Variants in MYOF observed in about 807,000 individuals in gnomAD.
MYOF encodes the protein myoferlin, also known as fer-1-like 3, myoferlin.
A neutral mutation model predicts 284.2 loss-of-function variants in MYOF; 244 were observed. The observed-to-expected ratio is 0.86, with a 90% confidence interval of 0.77 to 0.95. The LOEUF (loss-of-function observed/expected upper bound fraction) is 0.95. Ranked by LOEUF, MYOF falls within the 40% of genes least tolerant of loss-of-function variation. The pLI, the probability that MYOF is intolerant of heterozygous loss-of-function variation, is 0.00. For missense variants in MYOF, 2,496 were observed against 2,560.6 expected, an observed-to-expected ratio of 0.97 and a Z score of 0.54; for synonymous variants, 904 against 919.7, an observed-to-expected ratio of 0.98 and a Z score of 0.31.
rs550443094 is a variant in MYOF at position 93,419,921 on chromosome 10, C to T, written c.433+6150G>A. 1.3e-4 allele frequency among the ~76,000 whole-genome samples: 20 copies of T among 152,214 alleles called. 1 individual carries two copies. The South Asian group carries it at 3.5e-3, about 27-fold the overall frequency. ...CCGAGGCTGGCGGATCACCTGAGGT[C>T]GGGAGTTCAAGACCAGCTTGGTCAA... On this transcript the variant is annotated intron_variant, in intron 5 of 53. Coordinates refer to ENST00000359263, the MANE Select transcript of MYOF (RefSeq NM_013451.4).
intron 15 of MYOF, 83 bp from the exon 16 acceptor site, chr10:93,396,307 T>TAA: frequency 9.8e-7 from 1 of 1,018,036 alleles, no homozygotes; most frequent in Non-Finnish European, 1.4e-6. Context: ...TTTCAACAAT[T>TAA]AAAAAAAAGT....
rs767025864 is a variant in MYOF, at chr10:93,337,850, C to T, written c.4402G>A (p.Gly1468Arg). The T allele has an allele frequency of 5.0e-5, 80 of 1,613,906 alleles. No individual in the cohort carries two copies. Among genetic ancestry groups the T allele is most frequent in the East Asian group, 8.9e-5 (4 of 44,888 alleles). Reference protein sequence around the residue: ...YASSGEHEKCGQYIQKGYSKL... With the variant: ...YASSGEHEKCRQYIQKGYSKL... Reference sequence around the variant, plus strand: ...GAATAGCCTTTCTGAATATACTGTCCGCATTTTTCATGTTCCCCTGAGGAA... The same window carrying T: ...GAATAGCCTTTCTGAATATACTGTCTGCATTTTTCATGTTCCCCTGAGGAA... The change falls in exon 40 of 54, where the codon GGA (glycine) becomes AGA (arginine). Residue 1468 changes from glycine to arginine, a missense_variant. Around this residue, in one of 3 missense-constraint regions of MYOF, gnomAD observed 2,436 missense variants for 2,480.7 expected, o/e 0.98. Transcript: ENST00000359263.
At position 93,409,663 on chromosome 10, in the gene MYOF, A is replaced by T. The variant is rs1252671818; in HGVS notation, c.510T>A (p.Val170=). The stretch of plus-strand genomic sequence containing the variant: ...CAAGCTGAGCTTCCGACACCGTCCC[A>T]ACTGGCCCCTTGGGCCCAGGGCCCC... ...AVRGPGPKGP[V]GTVSEAQLAR... The change falls in exon 6 of 54, where the codon GTT becomes GTA. Residue 170 remains valine (V), a synonymous_variant. Transcript: ENST00000359263. 3 of 1,614,084 alleles carry T rather than the reference A, an allele frequency of 1.9e-6. No homozygotes were observed. The highest frequency in any genetic ancestry group is 2.5e-6 in the Non-Finnish European group (3 of 1,180,034).
At chr10:93,375,815 A>G (rs1845811393) in intron 22 of MYOF, among the ~76,000 whole-genome samples, 1 of 152,190 alleles carries the variant, frequency 6.6e-6, no homozygotes, top group African/African-American at 2.4e-5. Flanking sequence ...TCCATTCAAT[A>G]TGAGAACTTG....
chr10:93,449,222 T>C (rs957349033), intron 3 of MYOF, among the ~76,000 whole-genome samples: 2 of 152,254 alleles, frequency 1.3e-5, no homozygotes, highest in South Asian at 2.1e-4. Context: ...TTCAAACACA[T>C]TGATTACATG....
At chr10:93,390,744 A>G (rs898613571) in intron 17 of MYOF, among the ~76,000 whole-genome samples, 12 of 152,184 alleles carry the variant, frequency 7.9e-5, no homozygotes, top group African/African-American at 2.7e-4. Context: ...CGAATAGAGA[A>G]TTAAAGCAGA....
intron 13 of MYOF, among the ~76,000 whole-genome samples, 166 bp downstream of exon 13, chr10:93,399,226 G>A (rs1016723038): frequency 1.3e-5 from 2 of 152,170 alleles, no homozygotes; most frequent in Admixed American, 6.5e-5. Flanking sequence ...ATAAACCTGT[G>A]GAGAAGTCTG....
chr10:93,368,793 GA>G (rs1265585595), intron 25 of MYOF, among the ~76,000 whole-genome samples: 1 of 152,152 alleles, frequency 6.6e-6, no homozygotes, highest in Non-Finnish European at 1.5e-5. Context: ...TGAGTAGCAG[GA>G]ATAGATTTCT....
In MYOF at chr10:93,370,314, A is replaced by ATTTTTTTCT. The variant is rs1554847923; in HGVS notation, c.2458-539_2458-538insAGAAAAAAA. On this transcript the variant is annotated intron_variant, in intron 24 of 53. Coordinates refer to ENST00000359263, the MANE Select transcript of MYOF (RefSeq NM_013451.4). ...GTTGATCAAGCAGTAATGATTACTAATTTTTTTTTTTTTTTTTTTTTGAGA... is the reference window on the plus strand; with the variant it reads ...GTTGATCAAGCAGTAATGATTACTAATTTTTTTCTTTTTTTTTTTTTTTTTTTTTTGAGA... Among the ~76,000 whole-genome samples the ATTTTTTTCT allele has an allele frequency of 3.3e-4, 41 of 122,428 alleles. 1 individual carries two copies. Among genetic ancestry groups the ATTTTTTTCT allele is most frequent in the African/African-American group, 1.3e-3 (36 of 28,278 alleles). The allele number at this position is 122,428 out of a possible 152,430, so 80.3% of individuals were successfully genotyped here.
At chr10:93,360,303 C>T (rs7094945) in intron 28 of MYOF, among the ~76,000 whole-genome samples, 40,566 of 152,116 alleles carry the variant, frequency 0.27, 6,877 homozygotes, top group East Asian at 0.88. Context: ...GTGGACTGTG[C>T]GGTTGCACAG....
chr10:93,409,239 C>T (rs1346144198), intron 6 of MYOF, among the ~76,000 whole-genome samples: 1 of 152,208 alleles, frequency 6.6e-6, no homozygotes, highest in Non-Finnish European at 1.5e-5. Flanking sequence ...GATGAACTAA[C>T]TCCATAGCTG....
intron 1 of MYOF, among the ~76,000 whole-genome samples, chr10:93,457,633 C>T (rs2056773708): frequency 6.6e-6 from 1 of 152,172 alleles, no homozygotes; most frequent in South Asian, 2.1e-4. Context: ...GTAGCAAAGT[C>T]CAAAGAGCAG....
rs1843824961 is a variant in MYOF, at chr10:93,340,074, C to T, written c.4338+79G>A. Reference sequence around the variant, plus strand: ...CAGCCTGGGTGAAAGAGCGAGACTCCTTCTCAAAAAAAGAAAAGAAAAATT... The same window carrying T: ...CAGCCTGGGTGAAAGAGCGAGACTCTTTCTCAAAAAAAGAAAAGAAAAATT... On this transcript the variant is annotated intron_variant, in intron 39 of 53. Transcript: ENST00000359263. The T allele has an allele frequency of 2.0e-6, 3 of 1,502,810 alleles. No individual in the cohort carries two copies. In the East Asian group the frequency reaches 7.1e-5, roughly 35 times the overall value. 93.1% of individuals were successfully genotyped at this position (1,502,810 alleles called of 1,614,324 possible).
intron 45 of MYOF, 136 bp from the exon 46 acceptor site, chr10:93,326,101 T>C (rs755695630): frequency 3.5e-5 from 40 of 1,155,640 alleles, no homozygotes; most frequent in Non-Finnish European, 4.7e-5. Flanking sequence ...AACTTTGACT[T>C]GTGAAGGAAG....
At chr10:93,467,422 T>C (rs112608967) in intron 1 of MYOF, among the ~76,000 whole-genome samples, 1 of 1,114 alleles carries the variant, frequency 9.0e-4, no homozygotes, top group Non-Finnish European at 0.1. Flanking sequence ...CAGTGTTTGG[T>C]TTTTTTGTCC....
chr10:93,386,804 C>T (rs1316721749), intron 19 of MYOF, among the ~76,000 whole-genome samples: 6 of 152,210 alleles, frequency 3.9e-5, no homozygotes, highest in African/African-American at 1.4e-4. Flanking sequence ...GTCAATCATC[C>T]TGCAAAGGGG....
Position 93,306,924 on chromosome 10 carries a change from C to T in MYOF, c.*39G>A. ...TTGGTCTACAGAGGCAGGATTCTCT[C>T]ATTGCTGGATGACTCTTGAAATGAA... is the stretch of plus-strand genomic sequence containing the variant. On this transcript the variant is annotated 3_prime_UTR_variant, in exon 54 of 54. Coordinates refer to ENST00000359263, the MANE Select transcript of MYOF (RefSeq NM_013451.4). The T allele has an allele frequency of 6.2e-7, 1 of 1,600,436 alleles. No homozygotes were observed. The highest frequency in any genetic ancestry group is 2.2e-5 in the East Asian group (1 of 44,786).
At chr10:93,387,225 G>C (rs991900486) in intron 19 of MYOF, among the ~76,000 whole-genome samples, 3 of 152,214 alleles carry the variant, frequency 2.0e-5, no homozygotes, top group African/African-American at 4.8e-5. Flanking sequence ...TGGGGCAGCT[G>C]GGGGGCTGGC....
chr10:93,476,493 G>T (rs6583892), intron 1 of MYOF, among the ~76,000 whole-genome samples: 144,854 of 152,010 alleles, frequency 0.95, 69,414 homozygotes, highest in East Asian at 1. Flanking sequence ...AAGTGGAATC[G>T]CATAGCTTTG....
Sources: gnomAD v4.1 joint callset for allele counts (sites outside exome capture counted in the v4.1 genomes callset) on GRCh38, gnomAD v4.1.1 for gene constraint, gnomAD v4.1.1 regional missense constraint, MANE v1.5 for transcripts, NCBI Gene and HGNC (gene_info 2026-07-23, HGNC 2026-07-21) for gene names.